ALK: variants seen among roughly 807,000 people sequenced by gnomAD.
ALK encodes ALK receptor tyrosine kinase.
In ALK, 74 loss-of-function variants were observed where a neutral mutation model predicts 163.1. The observed-to-expected ratio is 0.45, with a 90% confidence interval of 0.38 to 0.55. ALK has a LOEUF of 0.55. ALK is among the 20% of genes least tolerant of loss of function. The pLI is 0.00. For missense variants in ALK, 2,063 were observed against 2,105.3 expected, an observed-to-expected ratio of 0.98 and a Z score of 0.39; for synonymous variants, 960 against 843.2, an observed-to-expected ratio of 1.14 and a Z score of -2.40.
chr2:29,854,070 C>A (rs939794329), intron 1 of ALK, among the ~76,000 whole-genome samples: 1 of 151,940 alleles, frequency 6.6e-6, no homozygotes, highest in South Asian at 2.1e-4. Flanking sequence ...CCACCGCACC[C>A]GGCCGGAATG....
intron 6 of ALK, among the ~76,000 whole-genome samples, chr2:29,326,136 C>T (rs1449573906): frequency 6.6e-6 from 1 of 152,100 alleles, no homozygotes; most frequent in Non-Finnish European, 1.5e-5. Context: ...AGCCGCTTTT[C>T]AAATGTGGCT....
chr2:29,542,812 T>C (rs1308016380), intron 3 of ALK, among the ~76,000 whole-genome samples: 1 of 152,200 alleles, frequency 6.6e-6, no homozygotes, highest in African/African-American at 2.4e-5. Flanking sequence ...TGTACAAAAA[T>C]TTATCCGTGG....
chr2:29,283,846 T>A (rs1665777595), intron 9 of ALK, among the ~76,000 whole-genome samples: 2 of 152,170 alleles, frequency 1.3e-5, no homozygotes, highest in Non-Finnish European at 2.9e-5. Context: ...ACAAATGACA[T>A]CTCTCCCCCT....
At chr2:29,512,449 A>G (rs13385435) in intron 4 of ALK, among the ~76,000 whole-genome samples, 245 of 144,520 alleles carry the variant, frequency 1.7e-3, no homozygotes, top group African/African-American at 6.1e-3. Context: ...ATTCAACAAG[A>G]CTTCATGCTA....
chr2:29,555,572 C>T (rs1056465016), intron 3 of ALK, among the ~76,000 whole-genome samples: 1 of 152,184 alleles, frequency 6.6e-6, no homozygotes, highest in Non-Finnish European at 1.5e-5. Flanking sequence ...CCTTTCTCTC[C>T]TTCCCCTTCC....
chr2:29,469,778 T>C (rs1671302100), intron 4 of ALK, among the ~76,000 whole-genome samples: 1 of 152,198 alleles, frequency 6.6e-6, no homozygotes, highest in African/African-American at 2.4e-5. Flanking sequence ...CAAATCCTGA[T>C]TGGATCAAGG....
intron 22 of ALK, among the ~76,000 whole-genome samples, chr2:29,221,834 G>A (rs563845064): frequency 6.6e-5 from 10 of 152,274 alleles, no homozygotes; most frequent in Non-Finnish European, 7.4e-5. Flanking sequence ...CTGTCACAGC[G>A]GACGCCCTCA....
At chr2:29,491,646 C>T (rs768087534) in intron 4 of ALK, among the ~76,000 whole-genome samples, 11 of 152,154 alleles carry the variant, frequency 7.2e-5, no homozygotes, top group Non-Finnish European at 1.0e-4. Flanking sequence ...CAGCAAGGAA[C>T]GCCAGTCCCT....
At chr2:29,586,350 T>C (rs1375987966) in intron 3 of ALK, among the ~76,000 whole-genome samples, 1 of 152,206 alleles carries the variant, frequency 6.6e-6, no homozygotes, top group Non-Finnish European at 1.5e-5. Context: ...GTTTTTTAAC[T>C]ATAGGATTTT....
chr2:29,254,259 T>C (rs1225278338), intron 11 of ALK, among the ~76,000 whole-genome samples: 3 of 152,174 alleles, frequency 2.0e-5, no homozygotes, highest in Non-Finnish European at 4.4e-5. Context: ...ATTAGCAGCA[T>C]GAGAATGGAC....
chr2:29,656,375 C>T (rs1254279549), intron 3 of ALK, among the ~76,000 whole-genome samples: 6 of 152,002 alleles, frequency 3.9e-5, no homozygotes, highest in African/African-American at 7.2e-5. Context: ...CATTTCTATC[C>T]CACAGGACAC....
chr2:29,339,088 C>T (rs1454744943), intron 5 of ALK, among the ~76,000 whole-genome samples: 1 of 152,172 alleles, frequency 6.6e-6, no homozygotes, highest in East Asian at 1.9e-4. Flanking sequence ...ACTAAAAATA[C>T]AATAATTAGC....
chr2:29,404,512 C>CA (rs991032280), intron 4 of ALK, among the ~76,000 whole-genome samples: 8 of 151,740 alleles, frequency 5.3e-5, no homozygotes, highest in Admixed American at 3.9e-4. Context: ...AGAGGTAGGG[C>CA]AAAAAAAGAA....
At chr2:29,250,718 G>C (rs1664793837) in intron 12 of ALK, among the ~76,000 whole-genome samples, 1 of 152,242 alleles carries the variant, frequency 6.6e-6, no homozygotes, top group South Asian at 2.1e-4. Flanking sequence ...GCAAGGATAA[G>C]AGCATCAGCT....
chr2:29,864,357 T>C (rs531268884), intron 1 of ALK, among the ~76,000 whole-genome samples: 2 of 152,364 alleles, frequency 1.3e-5, no homozygotes, highest in African/African-American at 4.8e-5. Flanking sequence ...CCTCCTCTCT[T>C]TTGAGTCTTG....
intron 1 of ALK, among the ~76,000 whole-genome samples, chr2:29,784,435 C>T (rs1264095003): frequency 2.0e-5 from 3 of 152,342 alleles, no homozygotes; most frequent in Non-Finnish European, 2.9e-5. Flanking sequence ...GTGGCTCACG[C>T]CTGTAATCCC....
chr2:29,710,170 T>C (rs2148301293), intron 2 of ALK, among the ~76,000 whole-genome samples: 1 of 152,300 alleles, frequency 6.6e-6, no homozygotes, highest in Middle Eastern at 3.4e-3. Flanking sequence ...CCATGTAAGA[T>C]GTGGCAAGAG....
chr2:29,777,450 C>G (rs563955563), intron 1 of ALK, among the ~76,000 whole-genome samples: 106 of 152,192 alleles, frequency 7.0e-4, no homozygotes, highest in Non-Finnish European at 1.2e-3. Context: ...GACCTTCTCT[C>G]TACATCCCCT....
rs535175300 is a variant in ALK at position 29,221,567 on chromosome 2, C to G, written c.3516-732G>C. Among the ~76,000 whole-genome samples, 6 of 152,262 alleles carry G rather than the reference C, an allele frequency of 3.9e-5. No individual in the cohort carries two copies. The East Asian group carries it at 1.2e-3, about 29-fold the overall frequency. On this transcript the variant is annotated intron_variant, in intron 22 of 28. Coordinates refer to ENST00000389048, the MANE Select transcript of ALK (RefSeq NM_004304.5). ...TTCTTCAATATAATCTCATACTTGCCAAGTTTTATTCATAATCAGGAATTA... is the reference window on the plus strand; with the variant it reads ...TTCTTCAATATAATCTCATACTTGCGAAGTTTTATTCATAATCAGGAATTA...
Sources: allele counts gnomAD v4.1 joint callset (sites outside exome capture counted in the v4.1 genomes callset), GRCh38; gene constraint gnomAD v4.1.1; transcripts MANE v1.5; gene names NCBI Gene and HGNC (gene_info 2026-07-23, HGNC 2026-07-21).